Variants in RSPO2 observed in about 807,000 individuals in gnomAD.
The protein encoded by RSPO2 is R-spondin-2.
RSPO2 carries 14 observed loss-of-function variants against 30.9 expected under a neutral mutation model. The ratio of observed to expected loss-of-function variants is 0.45; its 90% CI spans 0.30 to 0.71. The LOEUF (loss-of-function observed/expected upper bound fraction) is 0.71. RSPO2 is among the 30% of genes least tolerant of loss of function. The pLI is 0.08. For missense variants in RSPO2, 264 were observed against 301.9 expected, an observed-to-expected ratio of 0.87 and a Z score of 0.93; for synonymous variants, 107 against 96.4, an observed-to-expected ratio of 1.11 and a Z score of -0.64.
chr8:107,903,176 T>G (rs906277816), intron 5 of RSPO2, among the ~76,000 whole-genome samples: 2 of 152,164 alleles, frequency 1.3e-5, no homozygotes, highest in Admixed American at 1.3e-4. Flanking sequence ...TAAAAAATCA[T>G]TACTGACTAC....
chr8:107,981,559 T>C (rs144643262), intron 3 of RSPO2, among the ~76,000 whole-genome samples: 1 of 152,140 alleles, frequency 6.6e-6, no homozygotes, highest in African/African-American at 2.4e-5. Flanking sequence ...CAGGTGTTTC[T>C]AAAGGCATTC....
At chr8:108,057,940 C>T (rs1044383429) in intron 2 of RSPO2, among the ~76,000 whole-genome samples, 1 of 152,136 alleles carries the variant, frequency 6.6e-6, no homozygotes, top group Non-Finnish European at 1.5e-5. Flanking sequence ...ATTTGACTTC[C>T]TCTTTTCCTA....
chr8:108,022,808 T>C (rs1374421737), intron 2 of RSPO2, among the ~76,000 whole-genome samples: 1 of 151,396 alleles, frequency 6.6e-6, no homozygotes, highest in East Asian at 2.0e-4. Context: ...GCCTGTAATC[T>C]CAGCTACTCA....
At chr8:107,948,870 T>A (rs59149693) in intron 5 of RSPO2, among the ~76,000 whole-genome samples, 21,625 of 145,800 alleles carry the variant, frequency 0.15, 1,927 homozygotes, top group African/African-American at 0.24. Flanking sequence ...AAAAAAAAAA[T>A]AAATAAATAA....
chr8:108,060,206 GAA>G (rs1471860219), intron 2 of RSPO2, among the ~76,000 whole-genome samples: 1 of 151,660 alleles, frequency 6.6e-6, no homozygotes, highest in Non-Finnish European at 1.5e-5. Flanking sequence ...CTAGTTGAGA[GAA>G]GAAGGCTTCA....
chr8:107,998,032 G>A (rs987342467), intron 2 of RSPO2, among the ~76,000 whole-genome samples: 3 of 152,168 alleles, frequency 2.0e-5, no homozygotes, highest in African/African-American at 7.2e-5. Context: ...ACTGAACAGT[G>A]GGCTGTTGGC....
intron 5 of RSPO2, among the ~76,000 whole-genome samples, chr8:107,915,244 G>T (rs989946141): frequency 6.6e-6 from 1 of 152,090 alleles, no homozygotes; most frequent in Non-Finnish European, 1.5e-5. Context: ...AAAAAATCTG[G>T]ATATTTAAAA....
At chr8:108,038,847 GCA>G (rs1811671890) in intron 2 of RSPO2, among the ~76,000 whole-genome samples, 1 of 152,014 alleles carries the variant, frequency 6.6e-6, no homozygotes, top group Non-Finnish European at 1.5e-5. Context: ...ATAGACTACA[GCA>G]CAGTGTAAAC....
At chr8:108,006,202 G>A (rs909304738) in intron 2 of RSPO2, among the ~76,000 whole-genome samples, 3 of 152,188 alleles carry the variant, frequency 2.0e-5, no homozygotes, top group Admixed American at 2.0e-4. Flanking sequence ...TAATCCCAAA[G>A]GGGAAAAGAA....
At chr8:108,028,296 C>T (rs62535499) in intron 2 of RSPO2, among the ~76,000 whole-genome samples, 8 of 152,180 alleles carry the variant, frequency 5.3e-5, no homozygotes, top group Admixed American at 2.0e-4. Flanking sequence ...TGTTCAAGAA[C>T]GTGTCCAAAT....
intron 5 of RSPO2, among the ~76,000 whole-genome samples, chr8:107,915,838 C>A (rs963003131): frequency 6.6e-6 from 1 of 152,134 alleles, no homozygotes; most frequent in Admixed American, 6.6e-5. Context: ...TATTGGGAAA[C>A]ATCTTGCAAA....
intron 5 of RSPO2, among the ~76,000 whole-genome samples, chr8:107,940,504 A>G (rs1194698815): frequency 1.3e-5 from 2 of 152,180 alleles, no homozygotes; most frequent in Non-Finnish European, 2.9e-5. Flanking sequence ...GTCCCAAGAG[A>G]TGACACTGAG....
At chr8:107,952,554 T>C (rs1813288725) in intron 5 of RSPO2, among the ~76,000 whole-genome samples, 2 of 152,160 alleles carry the variant, frequency 1.3e-5, no homozygotes, top group Admixed American at 1.3e-4. Context: ...TCTCCTCTCT[T>C]CCAAACTACT....
intron 2 of RSPO2, among the ~76,000 whole-genome samples, chr8:108,000,724 G>A (rs905150328): frequency 3.3e-5 from 5 of 151,952 alleles, no homozygotes; most frequent in South Asian, 2.1e-4. Context: ...GGGAACTCCC[G>A]GGCACGGTGG....
intron 5 of RSPO2, among the ~76,000 whole-genome samples, chr8:107,954,888 C>T (rs1279580767): frequency 1.3e-5 from 2 of 152,150 alleles, no homozygotes; most frequent in African/African-American, 2.4e-5. Context: ...GGATTACAGG[C>T]GTGAGCCATT....
At chr8:107,962,905 G>A (rs1813678058) in intron 3 of RSPO2, among the ~76,000 whole-genome samples, 1 of 152,054 alleles carries the variant, frequency 6.6e-6, no homozygotes, top group Admixed American at 6.5e-5. Context: ...AAGCTTTTTG[G>A]CCAAAAAGTT....
At chr8:107,941,695 G>A (rs896904143) in intron 5 of RSPO2, among the ~76,000 whole-genome samples, 4 of 152,284 alleles carry the variant, frequency 2.6e-5, no homozygotes, top group South Asian at 2.1e-4. Flanking sequence ...CTGTTCACAC[G>A]CAGAAATCTG....
intron 2 of RSPO2, among the ~76,000 whole-genome samples, chr8:108,057,530 C>T (rs1411556102): frequency 6.6e-6 from 1 of 152,146 alleles, no homozygotes; most frequent in African/African-American, 2.4e-5. Flanking sequence ...GCTTCCAAGA[C>T]AAACACCTAA....
intron 5 of RSPO2, among the ~76,000 whole-genome samples, chr8:107,938,834 A>T (rs980336568): frequency 1.3e-5 from 2 of 152,168 alleles, no homozygotes; most frequent in African/African-American, 4.8e-5. Flanking sequence ...AAGTCCTGGA[A>T]TTAAAATGAA....
Sources: allele counts gnomAD v4.1 joint callset (sites outside exome capture counted in the v4.1 genomes callset), GRCh38; gene constraint gnomAD v4.1.1; transcripts MANE v1.5; gene names NCBI Gene and HGNC (gene_info 2026-07-23, HGNC 2026-07-21).